Variants in SLC9A2 observed in about 807,000 individuals in gnomAD.
SLC9A2 encodes the protein solute carrier family 9 member A2.
Under a neutral mutation model 71.7 loss-of-function variants are expected in SLC9A2, and 42 were observed. That is an observed-to-expected ratio of 0.59 (90% CI 0.46 to 0.76). The LOEUF is 0.76. SLC9A2 is among the 30% of genes least tolerant of loss of function. The pLI is 0.00. For missense variants in SLC9A2, 829 were observed against 1,017.4 expected (o/e 0.81, Z 2.52); for synonymous variants, 396 against 392.5 (o/e 1.01, Z -0.10).
At chr2:102,702,221 C>A (rs1233274910) in intron 8 of SLC9A2, among the ~76,000 whole-genome samples, 185 bp from the exon 9 acceptor site, 1 of 152,052 alleles carries the variant, frequency 6.6e-6, no homozygotes, top group Non-Finnish European at 1.5e-5. Flanking sequence ...TTAAACTTGC[C>A]ATGAATGATT....
intron 3 of SLC9A2, among the ~76,000 whole-genome samples, chr2:102,671,283 C>A (rs1300890255): frequency 6.6e-6 from 1 of 151,996 alleles, no homozygotes; most frequent in Non-Finnish European, 1.5e-5. Flanking sequence ...ATAGTGTATG[C>A]TTTCACTGAT....
In SLC9A2 at chr2:102,621,917, T is replaced by G. The variant is rs556536711; in HGVS notation, c.289+1780T>G. Among the ~76,000 whole-genome samples the G allele has an allele frequency of 1.3e-4, 19 of 151,812 alleles. No individual in the cohort carries two copies. In the South Asian group the frequency reaches 3.3e-3, roughly 27 times the overall value. ...ACAAAGACATAAATTGGGAGAGGAGTGCAAAGCAGGTAGAAGGGATGGTTT... is the reference window on the plus strand; with the variant it reads ...ACAAAGACATAAATTGGGAGAGGAGGGCAAAGCAGGTAGAAGGGATGGTTT... On this transcript the variant is annotated intron_variant, in intron 1 of 11. Coordinates refer to ENST00000233969, the MANE Select transcript of SLC9A2 (RefSeq NM_003048.6).
Position 102,702,569 on chromosome 2 carries a change from G to A in SLC9A2, c.1845+67G>A, listed in dbSNP as rs953867170. On this transcript the variant is annotated intron_variant, in intron 9 of 11. Transcript: ENST00000233969. ...CTAACAGGATGCCTTCTGGTTTTGT[G>A]CTGTAACTGGAGGCTGCATCTTGAC... 16 of 916,258 alleles carry A rather than the reference G, an allele frequency of 1.7e-5. No homozygotes were observed. The African/African-American group carries it at 2.2e-4, about 12-fold the overall frequency. 56.8% of individuals were successfully genotyped at this position (916,258 alleles called of 1,614,324 possible).
chr2:102,636,480 T>C (rs1050013607), intron 1 of SLC9A2, among the ~76,000 whole-genome samples: 1 of 152,158 alleles, frequency 6.6e-6, no homozygotes, highest in African/African-American at 2.4e-5. Flanking sequence ...GAGCAAGTGG[T>C]AAATTTGCTT....
intron 5 of SLC9A2, among the ~76,000 whole-genome samples, chr2:102,693,345 C>T (rs926549424): frequency 5.9e-5 from 9 of 152,294 alleles, no homozygotes; most frequent in African/African-American, 2.2e-4. Flanking sequence ...TTGACTGGGA[C>T]ATGCAGAACT....
intron 11 of SLC9A2, 101 bp downstream of exon 11, chr2:102,706,037 C>CAAT (rs1265032951): frequency 0.043 from 7,990 of 184,862 alleles, 2,523 homozygotes; most frequent in Admixed American, 0.053. Flanking sequence ...GAATGAGTTC[C>CAAT]GGCCGGGCGC....
chr2:102,631,624 C>G (rs1676358363), intron 1 of SLC9A2, among the ~76,000 whole-genome samples: 1 of 151,964 alleles, frequency 6.6e-6, no homozygotes, highest in African/African-American at 2.4e-5. Flanking sequence ...TGTTGGATAT[C>G]TCTGTGACAT....
intron 2 of SLC9A2, among the ~76,000 whole-genome samples, chr2:102,660,441 G>T (rs1055061802): frequency 1.7e-4 from 26 of 152,216 alleles, no homozygotes; most frequent in African/African-American, 6.3e-4. Context: ...AGATATCAGG[G>T]CATGCCCACA....
At chr2:102,626,867 C>T (rs1257059025) in intron 1 of SLC9A2, among the ~76,000 whole-genome samples, 1 of 152,136 alleles carries the variant, frequency 6.6e-6, no homozygotes, top group Non-Finnish European at 1.5e-5. Context: ...ATATTTTTAT[C>T]ACCAAATGAA....
chr2:102,669,219 A>C (rs541999543), intron 3 of SLC9A2, among the ~76,000 whole-genome samples: 1 of 152,138 alleles, frequency 6.6e-6, no homozygotes, highest in Non-Finnish European at 1.5e-5. Context: ...ATTTGGAGAG[A>C]TGTCTTCTGA....
At chr2:102,693,089 T>A (rs1677693958) in intron 5 of SLC9A2, among the ~76,000 whole-genome samples, 1 of 151,858 alleles carries the variant, frequency 6.6e-6, no homozygotes, top group Admixed American at 6.6e-5. Flanking sequence ...ACACTCTTTT[T>A]ATATGTTTTT....
At chr2:102,695,730 G>C (rs1314544980) in intron 7 of SLC9A2, among the ~76,000 whole-genome samples, 1 of 131,250 alleles carries the variant, frequency 7.6e-6, no homozygotes, top group Non-Finnish European at 1.7e-5. Context: ...ACCATCTAAG[G>C]ATGTAAACAG....
chr2:102,631,214 C>T (rs1016096548), intron 1 of SLC9A2, among the ~76,000 whole-genome samples: 10 of 152,060 alleles, frequency 6.6e-5, no homozygotes, highest in South Asian at 4.1e-4. Flanking sequence ...ACTTCATGGG[C>T]GAATTTCCCC....
At position 102,708,653 on chromosome 2, in the gene SLC9A2, A is replaced by C. The variant is rs1020674147; in HGVS notation, c.*164A>C. ...CGGATAAATGAGGCAAATCCGAAGA[A>C]AAGGAAAATCGAATAAAAAATAGTC... On this transcript the variant is annotated 3_prime_UTR_variant, in exon 12 of 12. Coordinates refer to ENST00000233969, the MANE Select transcript of SLC9A2 (RefSeq NM_003048.6). 8.7e-5 allele frequency: 66 copies of C among 757,524 alleles called. 1 individual carries two copies. Among genetic ancestry groups the C allele is most frequent in the Non-Finnish European group, 3.3e-5 (16 of 489,382 alleles). The allele number at this position is 757,524 out of a possible 1,614,324, so 46.9% of individuals were successfully genotyped here. A position where few individuals can be genotyped will look rare whatever the true frequency, so the allele number is the denominator to read the frequency against.
At chr2:102,701,583 A>G (rs1436349641) in intron 8 of SLC9A2, among the ~76,000 whole-genome samples, 1 of 152,252 alleles carries the variant, frequency 6.6e-6, no homozygotes. Context: ...AAATTCATGT[A>G]TGATCAAGCT....
chr2:102,626,275 A>C (rs1363244782), intron 1 of SLC9A2, among the ~76,000 whole-genome samples: 1 of 152,206 alleles, frequency 6.6e-6, no homozygotes, highest in East Asian at 1.9e-4. Flanking sequence ...CCACATATCT[A>C]CAACTATCTG....
chr2:102,631,985 T>A, intron 1 of SLC9A2, among the ~76,000 whole-genome samples: 1 of 126,714 alleles, frequency 7.9e-6, no homozygotes, highest in Non-Finnish European at 1.6e-5. Flanking sequence ...ATTTAATTAA[T>A]GAAAGTGGGG....
chr2:102,650,502 T>G lies in SLC9A2; in HGVS notation c.290-7062T>G, dbSNP rs547985003. ...AAATTAAAGTAAAATAAAAAATAAT[T>G]AAAAAAGAATTATTTTCTGTTTTTT... On this transcript the variant is annotated intron_variant, in intron 1 of 11. Coordinates refer to ENST00000233969, the MANE Select transcript of SLC9A2 (RefSeq NM_003048.6). Among the ~76,000 whole-genome samples the G allele has an allele frequency of 2.0e-5, 3 of 152,312 alleles. No homozygotes were observed. In the South Asian group the frequency reaches 6.2e-4, roughly 32 times the overall value.
chr2:102,699,086 G>A (rs896674342), intron 7 of SLC9A2, among the ~76,000 whole-genome samples: 3 of 152,126 alleles, frequency 2.0e-5, no homozygotes, highest in Non-Finnish European at 2.9e-5. Context: ...AACTACTATG[G>A]GGAAAAATAC....
Sources: gnomAD v4.1 joint callset for allele counts (sites outside exome capture counted in the v4.1 genomes callset) on GRCh38, gnomAD v4.1.1 for gene constraint, MANE v1.5 for transcripts, NCBI Gene and HGNC (gene_info 2026-07-23, HGNC 2026-07-21) for gene names.